Variants in GNB4 observed in about 807,000 individuals in gnomAD.
GNB4 encodes the protein G protein subunit beta 4.
In GNB4, 28 loss-of-function variants were observed where a neutral mutation model predicts 45.2. The observed-to-expected ratio is 0.62, with a 90% CI of 0.46 to 0.85. GNB4 has a LOEUF of 0.85. Among genes scored for constraint, GNB4 ranks in the 40% least tolerant of loss-of-function variants. The pLI is 0.00. For synonymous variants in GNB4, 132 were observed against 143.7 expected (o/e 0.92, Z 0.58); for missense variants, 321 against 425.4 (o/e 0.75, Z 2.16).
rs574114258 is a variant in GNB4 at position 179,397,129 on chromosome 3, T to A, written c.*4084A>T. The A allele has an allele frequency of 1.3e-5, 2 of 152,236 alleles. No individual in the cohort carries two copies. The allele number at this position is 152,236 out of a possible 1,614,324, so 9.4% of individuals were successfully genotyped here. A position where few individuals can be genotyped will look rare whatever the true frequency, so the allele number is the denominator to read the frequency against. On this transcript the variant is annotated 3_prime_UTR_variant, in exon 10 of 10. Transcript: ENST00000232564. ...GATTTCAGAAAGAACATCGTCACTA[T>A]TAAAATGATGACAGGCCCAAATGGG... is the stretch of plus-strand genomic sequence containing the variant.
At chr3:179,507,839 C>T in the GNB4 span, among the ~76,000 whole-genome samples, 7 of 152,260 alleles carry the variant, frequency 4.6e-5, no homozygotes, top group Non-Finnish European at 7.4e-5. Context: ...ATGTTTGTTC[C>T]TTGGAATCAC....
At position 179,410,888 on chromosome 3, in the gene GNB4, A is replaced by G. The variant is rs545122779; in HGVS notation, c.699+2524T>C. On this transcript the variant is annotated intron_variant, in intron 8 of 9. Coordinates refer to ENST00000232564, the MANE Select transcript of GNB4 (RefSeq NM_021629.4). ...GAGTATAATAAATAGCTGTAAGCCA[A>G]TAAATATGACAATGTAGATGATATA... Among the ~76,000 whole-genome samples the G allele has an allele frequency of 9.8e-5, 15 of 152,318 alleles. No homozygotes were observed. The South Asian group carries it at 1.2e-3, about 13-fold the overall frequency.
intron 1 of GNB4, among the ~76,000 whole-genome samples, chr3:179,443,765 C>G (rs1377525760): frequency 6.6e-6 from 1 of 152,132 alleles, no homozygotes; most frequent in Non-Finnish European, 1.5e-5. Flanking sequence ...TACAAAAATA[C>G]TATACAATTA....
intron 2 of GNB4, among the ~76,000 whole-genome samples, chr3:179,421,890 T>C (rs1290625483): frequency 6.6e-6 from 1 of 152,234 alleles, no homozygotes; most frequent in African/African-American, 2.4e-5. Context: ...CACTTTCCTA[T>C]AATGAAGAGT....
intron 1 of GNB4, among the ~76,000 whole-genome samples, chr3:179,439,849 C>T (rs548078516): frequency 1.1e-4 from 17 of 152,236 alleles, no homozygotes; most frequent in Non-Finnish European, 2.2e-4. Flanking sequence ...ACCTGCCTCC[C>T]AGGCACATAT....
In GNB4 at chr3:179,427,605, TAAAA is replaced by T. The variant is rs67400722; in HGVS notation, c.-42-1367_-42-1364del. Among the ~76,000 whole-genome samples, 231 of 129,672 alleles carry T rather than the reference TAAAA, an allele frequency of 1.8e-3. 1 individual carries two copies. Among genetic ancestry groups the T allele is most frequent in the Non-Finnish European group, 1.4e-3 (89 of 62,596 alleles). The allele number at this position is 129,672 out of a possible 152,430, so 85.1% of individuals were successfully genotyped here. ...GGGTGACAGAGTGAGACTCTGGCTT[TAAAA>T]AAAAAAAAAAAAAAAAAAGATGTAA... On this transcript the variant is annotated intron_variant, in intron 1 of 9. Transcript: ENST00000232564.
chr3:179,489,351 C>T, the GNB4 span, among the ~76,000 whole-genome samples: 35 of 152,032 alleles, frequency 2.3e-4, no homozygotes, highest in East Asian at 6.4e-3. Context: ...ATACAAGTTG[C>T]ATAATTCTTA....
intron 1 of GNB4, among the ~76,000 whole-genome samples, chr3:179,450,354 CTTAAA>C (rs1470543403): frequency 2.0e-5 from 3 of 152,206 alleles, no homozygotes; most frequent in South Asian, 4.1e-4. Flanking sequence ...TCCCTCCCAT[CTTAAA>C]TTAAGTAGCG....
chr3:179,503,151 G>T, the GNB4 span, among the ~76,000 whole-genome samples: 11 of 152,276 alleles, frequency 7.2e-5, no homozygotes, highest in East Asian at 1.9e-3. Context: ...GTGCATTTAA[G>T]ATTTGTACAT....
chr3:179,486,607 A>C, the GNB4 span, among the ~76,000 whole-genome samples: 2 of 152,228 alleles, frequency 1.3e-5, no homozygotes, highest in African/African-American at 4.8e-5. Context: ...TTTCAAGAGG[A>C]GCTCCTGGTG....
At chr3:179,447,027 T>G (rs1715749970) in intron 1 of GNB4, among the ~76,000 whole-genome samples, 1 of 152,066 alleles carries the variant, frequency 6.6e-6, no homozygotes, top group Non-Finnish European at 1.5e-5. Context: ...AGCACATCAA[T>G]AACATAATTT....
the GNB4 span, among the ~76,000 whole-genome samples, chr3:179,517,380 A>G: frequency 2.0e-5 from 3 of 151,906 alleles, no homozygotes; most frequent in Non-Finnish European, 4.4e-5. Flanking sequence ...CCCTTCGCTG[A>G]CTGTCTTTTC....
intron 1 of GNB4, among the ~76,000 whole-genome samples, chr3:179,436,197 G>T (rs373741575): frequency 1.2e-4 from 18 of 152,224 alleles, no homozygotes; most frequent in African/African-American, 4.3e-4. Flanking sequence ...CAGGGAGTTC[G>T]AGACCAGCCT....
At chr3:179,429,482 C>T (rs879241508) in intron 1 of GNB4, among the ~76,000 whole-genome samples, 1 of 152,208 alleles carries the variant, frequency 6.6e-6, no homozygotes. Context: ...AGGTCCTTTA[C>T]AGTCATGGAT....
rs535543056 is a variant in GNB4 at position 179,443,132 on chromosome 3, C to T, written c.-43+8214G>A. ...GTTTATGAGTGCCTCACAAGCATTA[C>T]CATCTAGCTTATTTGCTAACTCCGC... On this transcript the variant is annotated intron_variant, in intron 1 of 9. Transcript: ENST00000232564. Among the ~76,000 whole-genome samples the T allele has an allele frequency of 1.3e-3, 195 of 152,306 alleles. 1 individual carries two copies. Among genetic ancestry groups the T allele is most frequent in the African/African-American group, 4.5e-3 (186 of 41,556 alleles).
At chr3:179,471,817 G>T in the GNB4 span, among the ~76,000 whole-genome samples, 2,846 of 152,226 alleles carry the variant, frequency 0.019, 82 homozygotes, top group African/African-American at 0.065. Context: ...GAGAACTTAG[G>T]TAGCAGAATT....
Position 179,414,875 on chromosome 3 carries a change from G to A in GNB4, c.430+10C>T. The A allele has an allele frequency of 6.4e-7, 1 of 1,559,978 alleles. No individual in the cohort carries two copies. Among genetic ancestry groups the A allele is most frequent in the African/African-American group, 1.3e-5 (1 of 74,384 alleles). ...TCGTGTGGTGGGAAAGAATATTTAGGGAAGCTCACCTGTGTGACCTGGCAA... is the reference window on the plus strand; with the variant it reads ...TCGTGTGGTGGGAAAGAATATTTAGAGAAGCTCACCTGTGTGACCTGGCAA... On this transcript the variant is annotated intron_variant, in intron 6 of 9. Transcript: ENST00000232564.
At position 179,437,204 on chromosome 3, in the gene GNB4, A is replaced by G. The variant is rs562249589; in HGVS notation, c.-42-10962T>C. Among the ~76,000 whole-genome samples the G allele has an allele frequency of 1.5e-4, 23 of 152,302 alleles. 2 individuals carry two copies. The South Asian group carries it at 4.6e-3, about 30-fold the overall frequency. ...ATTCATTGTATTGGCATAACACCAA[A>G]ACCAGACCCCAGAGCAGCACCCACA... On this transcript the variant is annotated intron_variant, in intron 1 of 9. Transcript: ENST00000232564.
At chr3:179,426,038 T>G (rs749869722) in intron 2 of GNB4, 106 bp downstream of exon 2, 24 of 852,194 alleles carry the variant, frequency 2.8e-5, no homozygotes, top group Non-Finnish European at 4.3e-5. Flanking sequence ...AAAAGACCAT[T>G]TCTAGCCTTA....
Sources: gnomAD v4.1 joint callset for allele counts (sites outside exome capture counted in the v4.1 genomes callset) on GRCh38, gnomAD v4.1.1 for gene constraint, MANE v1.5 for transcripts, NCBI Gene and HGNC (gene_info 2026-07-23, HGNC 2026-07-21) for gene names.